The following SLIT3 variants were observed in gnomAD, a reference collection of about 807,000 sequenced individuals.
SLIT3 encodes the protein slit guidance ligand 3, also known as slit homolog 3 protein.
In SLIT3, 68 loss-of-function variants were observed where a neutral mutation model predicts 184.0. The ratio of observed to expected loss-of-function variants is 0.37; its 90% confidence interval spans 0.30 to 0.45. SLIT3 has a LOEUF of 0.45. SLIT3 is among the 20% of genes least tolerant of loss of function. The pLI, the probability that SLIT3 is intolerant of heterozygous loss-of-function variation, is 1.00. For missense variants in SLIT3, 1,707 were observed against 2,026.0 expected, an observed-to-expected ratio of 0.84 and a Z score of 3.02; for synonymous variants, 831 against 828.6, an observed-to-expected ratio of 1.00 and a Z score of -0.05.
intron 27 of SLIT3, among the ~76,000 whole-genome samples, chr5:168,698,996 A>AC (rs891443433): frequency 1.1e-4 from 17 of 151,990 alleles, no homozygotes; most frequent in Admixed American, 2.0e-4. Flanking sequence ...CCCTCATCTG[A>AC]CCCCCCCAAT....
intron 3 of SLIT3, among the ~76,000 whole-genome samples, chr5:169,204,175 G>A (rs1216196701): frequency 3.3e-5 from 5 of 152,092 alleles, no homozygotes; most frequent in Non-Finnish European, 7.4e-5. Context: ...AGTGAAGGGA[G>A]AGTTTCAAGA....
chr5:168,723,124 C>T (rs1762996824), intron 21 of SLIT3, 120 bp from the exon 22 acceptor site: 1 of 713,210 alleles, frequency 1.4e-6, no homozygotes, highest in Admixed American at 2.0e-5. Flanking sequence ...CCCATCCACC[C>T]ACCTATTCAT....
At chr5:169,257,533 CTTTTTTTTTTTTTTTTTTTTTTT>C (rs1157258489) in intron 1 of SLIT3, among the ~76,000 whole-genome samples, 4 of 80,910 alleles carry the variant, frequency 4.9e-5, no homozygotes, top group East Asian at 3.9e-4. Flanking sequence ...TCTATGCCTC[CTTTTTTTTTTTTTTTTTTTTTTT>C]TTTTTTTTGA....
rs189524104 is a variant in SLIT3 at position 169,269,971 on chromosome 5, C to T, written c.198-18512G>A. On this transcript the variant is annotated intron_variant, in intron 1 of 35. Transcript: ENST00000519560. ...GGGGAGGGAAATCTGTTTCCTATTA[C>T]AAATCACGTTCTGTAGGTCTGTTTG... 1.1e-4 allele frequency among the ~76,000 whole-genome samples: 16 copies of T among 152,306 alleles called. No homozygotes were observed. In the East Asian group the frequency reaches 3.1e-3, roughly 29 times the overall value.
chr5:168,755,711 C>A (rs144087935), intron 16 of SLIT3, among the ~76,000 whole-genome samples: 1 of 152,176 alleles, frequency 6.6e-6, no homozygotes, highest in Non-Finnish European at 1.5e-5. Context: ...GCCGGGATTA[C>A]AGGCATGAGC....
intron 20 of SLIT3, among the ~76,000 whole-genome samples, chr5:168,729,263 G>A (rs982703608): frequency 2.6e-5 from 4 of 152,228 alleles, no homozygotes; most frequent in Middle Eastern, 3.4e-3. Flanking sequence ...TGTCAAGAGA[G>A]TTAGACATCC....
At chr5:169,209,422 C>G (rs80185844) in intron 3 of SLIT3, among the ~76,000 whole-genome samples, 10,475 of 151,022 alleles carry the variant, frequency 0.069, 452 homozygotes, top group South Asian at 0.13. Flanking sequence ...AACCAGATTT[C>G]ACTTAGCAAT....
intron 4 of SLIT3, among the ~76,000 whole-genome samples, chr5:168,897,646 G>GCGCGCGCACACACA: frequency 1.9e-5 from 2 of 105,446 alleles, no homozygotes; most frequent in African/African-American, 8.4e-5. Flanking sequence ...ACAGGTGCAC[G>GCGCGCGCACACACA]TACACACACA....
At chr5:168,830,053 A>G (rs1561955922) in intron 6 of SLIT3, among the ~76,000 whole-genome samples, 2 of 152,198 alleles carry the variant, frequency 1.3e-5, no homozygotes, top group Admixed American at 6.5e-5. Context: ...GGGACCAGGA[A>G]TCAGGGCCTA....
chr5:168,989,356 A>G (rs1376004449), intron 4 of SLIT3, among the ~76,000 whole-genome samples: 5 of 152,240 alleles, frequency 3.3e-5, no homozygotes, highest in Non-Finnish European at 5.9e-5. Context: ...TGATTCTTCT[A>G]CAAAATAGAA....
intron 4 of SLIT3, among the ~76,000 whole-genome samples, chr5:169,152,149 C>T (rs1049424741): frequency 2.6e-5 from 4 of 152,098 alleles, no homozygotes; most frequent in African/African-American, 9.7e-5. Flanking sequence ...TACAAAGAGC[C>T]CCAGGTTTGA....
intron 4 of SLIT3, among the ~76,000 whole-genome samples, chr5:169,170,080 C>G (rs947718695): frequency 6.6e-6 from 1 of 152,180 alleles, no homozygotes; most frequent in Non-Finnish European, 1.5e-5. Flanking sequence ...TGACTGCACT[C>G]GGATGAGGGA....
chr5:168,913,737 G>A (rs546387340), intron 4 of SLIT3, among the ~76,000 whole-genome samples: 27 of 99,184 alleles, frequency 2.7e-4, no homozygotes, highest in East Asian at 5.8e-4. Context: ...GTAAAACTCC[G>A]TCTCAAAAAA....
intron 26 of SLIT3, among the ~76,000 whole-genome samples, chr5:168,701,442 G>T (rs1187309863): frequency 6.6e-6 from 1 of 152,210 alleles, no homozygotes; most frequent in African/African-American, 2.4e-5. Flanking sequence ...TCAGGGTGGT[G>T]TGGGATTCTT....
intron 4 of SLIT3, among the ~76,000 whole-genome samples, chr5:169,019,831 T>C (rs1756530968): frequency 6.6e-6 from 1 of 152,248 alleles, no homozygotes; most frequent in Non-Finnish European, 1.5e-5. Flanking sequence ...GTTTGAGTCT[T>C]TTTATGTCCT....
intron 1 of SLIT3, among the ~76,000 whole-genome samples, chr5:169,259,290 C>T (rs1004798110): frequency 6.6e-6 from 1 of 152,154 alleles, no homozygotes; most frequent in African/African-American, 2.4e-5. Context: ...AACTCCTGAC[C>T]TCAGGTGATC....
chr5:169,153,644 G>A (rs776883906), intron 4 of SLIT3, among the ~76,000 whole-genome samples: 4 of 152,258 alleles, frequency 2.6e-5, no homozygotes, highest in Non-Finnish European at 4.4e-5. Context: ...TAGTCTGCCT[G>A]AAGGGCTTGT....
At chr5:169,205,712 C>G (rs1428933947) in intron 3 of SLIT3, among the ~76,000 whole-genome samples, 2 of 152,200 alleles carry the variant, frequency 1.3e-5, no homozygotes, top group African/African-American at 4.8e-5. Context: ...ACTGAAAGTG[C>G]TATAAGTTGC....
chr5:168,913,045 C>T (rs1391213093), intron 4 of SLIT3, among the ~76,000 whole-genome samples: 1 of 152,204 alleles, frequency 6.6e-6, no homozygotes, highest in Non-Finnish European at 1.5e-5. Context: ...CAGACCCCTG[C>T]TACTGATGAG....
Sources: gnomAD v4.1 joint callset for allele counts (sites outside exome capture counted in the v4.1 genomes callset) on GRCh38, gnomAD v4.1.1 for gene constraint, MANE v1.5 for transcripts, NCBI Gene and HGNC (gene_info 2026-07-23, HGNC 2026-07-21) for gene names.